The following MICU2 variants were observed in gnomAD, a reference collection of about 807,000 sequenced individuals.
MICU2 encodes calcium uptake protein 2, mitochondrial.
A neutral mutation model predicts 60.4 loss-of-function variants in MICU2; 64 were observed. The ratio of observed to expected loss-of-function variants is 1.06; its 90% CI spans 0.87 to 1.31. MICU2 has a LOEUF of 1.31. Among genes scored for constraint, MICU2 ranks in the 50% most tolerant of loss-of-function variants. The pLI, the probability that MICU2 is intolerant of heterozygous loss-of-function variation, is 0.00. For synonymous variants in MICU2, 201 were observed against 175.0 expected, an observed-to-expected ratio of 1.15 and a Z score of -1.17; for missense variants, 569 against 531.0, an observed-to-expected ratio of 1.07 and a Z score of -0.70.
At chr13:21,574,124 G>T (rs1308725575) in intron 1 of MICU2, among the ~76,000 whole-genome samples, 1 of 152,176 alleles carries the variant, frequency 6.6e-6, no homozygotes, top group African/African-American at 2.4e-5. Flanking sequence ...ATGCAGTGGT[G>T]GAGATCAAAG....
At chr13:21,531,146 A>C in intron 4 of MICU2, 4 of 905,752 alleles carry the variant, frequency 4.4e-6, no homozygotes, top group South Asian at 1.3e-5. Context: ...TTATCTATGA[A>C]GACATGCTAG....
At chr13:21,521,158 C>A in intron 6 of MICU2, 87 bp downstream of exon 6, 6 of 1,064,344 alleles carry the variant, frequency 5.6e-6, no homozygotes, top group Non-Finnish European at 8.3e-6. Context: ...ACAATGAATA[C>A]AATTTTGATT....
At chr13:21,514,248 T>A in intron 7 of MICU2, 105 bp downstream of exon 7, 3 of 956,858 alleles carry the variant, frequency 3.1e-6, no homozygotes, top group Non-Finnish European at 4.7e-6. Flanking sequence ...TTAAAAAAAT[T>A]AAATTGCTGA....
At chr13:21,550,141 C>CA (rs1310156115) in intron 2 of MICU2, among the ~76,000 whole-genome samples, 2 of 152,178 alleles carry the variant, frequency 1.3e-5, no homozygotes, top group Non-Finnish European at 2.9e-5. Flanking sequence ...AGACTTAAGG[C>CA]AAAATCCACT....
At chr13:21,520,490 C>T (rs1306303394) in intron 6 of MICU2, among the ~76,000 whole-genome samples, 1 of 152,176 alleles carries the variant, frequency 6.6e-6, no homozygotes, top group Non-Finnish European at 1.5e-5. Context: ...CCTAATTTGT[C>T]ATTTACATAA....
Position 21,509,989 on chromosome 13 carries a change from A to G in MICU2, c.761+15T>C, listed in dbSNP as rs1450565602. 1.4e-6 allele frequency: 2 copies of G among 1,444,166 alleles called. No individual in the cohort carries two copies. Among genetic ancestry groups the G allele is most frequent in the African/African-American group, 2.9e-5 (2 of 68,006 alleles). The allele number at this position is 1,444,166 out of a possible 1,614,324, so 89.5% of individuals were successfully genotyped here. A position where few individuals can be genotyped will look rare whatever the true frequency, so the allele number is the denominator to read the frequency against. ...CATAAAATTTCCCTAAATGAATGTA[A>G]ATATTTGCATTTACCTTCGAAATTC... On this transcript the variant is annotated intron_variant, in intron 8 of 11. Transcript: ENST00000382374.
chr13:21,603,768 G>C, intron 1 of MICU2, 171 bp downstream of exon 1: 1 of 710,292 alleles, frequency 1.4e-6, no homozygotes, highest in South Asian at 2.0e-5. Flanking sequence ...CTCAGGCCGG[G>C]GGCCGGTCCA....
chr13:21,564,928 C>T (rs1296212398), intron 2 of MICU2, among the ~76,000 whole-genome samples: 1 of 152,102 alleles, frequency 6.6e-6, no homozygotes, highest in Non-Finnish European at 1.5e-5. Flanking sequence ...CAATTAATTA[C>T]CCTTTAAATA....
At chr13:21,534,703 CTATTA>C in intron 4 of MICU2, among the ~76,000 whole-genome samples, 1 of 152,190 alleles carries the variant, frequency 6.6e-6, no homozygotes, top group Middle Eastern at 3.4e-3. Flanking sequence ...AGATGAGCAT[CTATTA>C]TGTGTCAGAG....
At chr13:21,494,078 C>T (rs945875728) in intron 11 of MICU2, among the ~76,000 whole-genome samples, 1 of 152,108 alleles carries the variant, frequency 6.6e-6, no homozygotes, top group African/African-American at 2.4e-5. Flanking sequence ...CTCCCAGGTA[C>T]ACTCAATTGT....
chr13:21,591,488 G>C (rs1006704210), intron 1 of MICU2, among the ~76,000 whole-genome samples: 3 of 152,138 alleles, frequency 2.0e-5, no homozygotes, highest in Non-Finnish European at 2.9e-5. Flanking sequence ...AATTAACATG[G>C]ATATTCAAGA....
intron 4 of MICU2, among the ~76,000 whole-genome samples, chr13:21,528,345 G>A (rs779454592): frequency 1.3e-5 from 2 of 152,074 alleles, no homozygotes; most frequent in Non-Finnish European, 2.9e-5. Context: ...TTTAAAAAGT[G>A]TATCTTCTGA....
intron 1 of MICU2, among the ~76,000 whole-genome samples, chr13:21,568,077 ATCCT>A (rs1215907126): frequency 6.6e-5 from 10 of 152,212 alleles, no homozygotes; most frequent in African/African-American, 2.4e-4. Flanking sequence ...GGACCACAGT[ATCCT>A]TCCTGGACAT....
intron 2 of MICU2, among the ~76,000 whole-genome samples, chr13:21,559,249 C>T (rs1055953302): frequency 1.1e-4 from 16 of 152,190 alleles, no homozygotes; most frequent in African/African-American, 3.9e-4. Flanking sequence ...TAAGTTTGTT[C>T]ACTTTTACTC....
At chr13:21,515,049 G>C (rs926226340) in intron 6 of MICU2, among the ~76,000 whole-genome samples, 1 of 150,740 alleles carries the variant, frequency 6.6e-6, no homozygotes, top group Admixed American at 6.6e-5. Flanking sequence ...ATAATTAGTT[G>C]TATCACTAGT....
chr13:21,495,858 A>G, intron 10 of MICU2, 194 bp downstream of exon 10: 1 of 477,310 alleles, frequency 2.1e-6, no homozygotes, highest in South Asian at 3.0e-5. Flanking sequence ...TAGGAGAATG[A>G]GAAAATAAAA....
intron 1 of MICU2, among the ~76,000 whole-genome samples, chr13:21,569,333 C>T (rs1326282323): frequency 6.6e-6 from 1 of 152,136 alleles, no homozygotes; most frequent in Non-Finnish European, 1.5e-5. Flanking sequence ...ACCCCCAAAC[C>T]TTTCAACTCC....
In MICU2 at chr13:21,522,592, G is replaced by A; in HGVS notation, c.514+11C>T. On this transcript the variant is annotated intron_variant, in intron 5 of 11. Transcript: ENST00000382374. ...CCACATGATCTCTGAGAAAAACTGT[G>A]GGATACTTACTAGTGAGGATTGTAA... 1 of 1,589,358 alleles carries A rather than the reference G, an allele frequency of 6.3e-7. No individual in the cohort carries two copies. Among genetic ancestry groups the A allele is most frequent in the Non-Finnish European group, 8.6e-7 (1 of 1,166,850 alleles).
chr13:21,502,265 A>G (rs527683537), intron 9 of MICU2, among the ~76,000 whole-genome samples: 1 of 152,312 alleles, frequency 6.6e-6, no homozygotes, highest in South Asian at 2.1e-4. Flanking sequence ...TTAAAAAGTT[A>G]CATAAAATAC....
Sources: allele counts gnomAD v4.1 joint callset (sites outside exome capture counted in the v4.1 genomes callset), GRCh38; gene constraint gnomAD v4.1.1; transcripts MANE v1.5; gene names NCBI Gene and HGNC (gene_info 2026-07-23, HGNC 2026-07-21).